The following TTC29 variants were observed in gnomAD, a reference collection of about 807,000 sequenced individuals.
The protein encoded by TTC29 is tetratricopeptide repeat protein 29.
A neutral mutation model predicts 58.1 loss-of-function variants in TTC29; 49 were observed. That is an observed-to-expected ratio of 0.84 (90% confidence interval 0.67 to 1.07). The LOEUF (loss-of-function observed/expected upper bound fraction) is 1.07, where lower values mean the gene tolerates loss of function less well. Among genes scored for constraint, TTC29 ranks in the 50% least tolerant of loss-of-function variants. The pLI, the probability that TTC29 is intolerant of heterozygous loss-of-function variation, is 0.00. For synonymous variants in TTC29, 209 were observed against 196.8 expected, an observed-to-expected ratio of 1.06 and a Z score of -0.52; for missense variants, 582 against 555.6, an observed-to-expected ratio of 1.05 and a Z score of -0.48.
At chr4:146,746,504 T>G (rs528738826) in intron 11 of TTC29, among the ~76,000 whole-genome samples, 1 of 152,368 alleles carries the variant, frequency 6.6e-6, no homozygotes, top group South Asian at 2.1e-4. Flanking sequence ...ATTAAAATAG[T>G]CATAATTTTC....
intron 6 of TTC29, among the ~76,000 whole-genome samples, chr4:146,882,445 G>A (rs925379667): frequency 3.3e-5 from 5 of 152,028 alleles, no homozygotes; most frequent in Non-Finnish European, 5.9e-5. Flanking sequence ...GTTGGTAGTC[G>A]ACTATTTTCC....
chr4:146,886,976 T>A (rs1220837097), intron 6 of TTC29, among the ~76,000 whole-genome samples: 1 of 152,174 alleles, frequency 6.6e-6, no homozygotes, highest in East Asian at 1.9e-4. Flanking sequence ...GACAAATACT[T>A]CATGATTCCA....
chr4:146,842,065 G>T (rs904238066), intron 8 of TTC29, among the ~76,000 whole-genome samples: 6 of 151,946 alleles, frequency 3.9e-5, no homozygotes, highest in African/African-American at 1.4e-4. Context: ...ATAATTATTG[G>T]GGGGGTGCTA....
At chr4:146,828,445 G>A (rs1429909881) in intron 9 of TTC29, among the ~76,000 whole-genome samples, 1 of 151,914 alleles carries the variant, frequency 6.6e-6, no homozygotes, top group East Asian at 1.9e-4. Context: ...GAAACATGAT[G>A]ATTTCTCTGA....
chr4:146,803,497 C>G lies in TTC29; in HGVS notation c.1290G>C (p.Trp430Cys), dbSNP rs753930564. ...GTTCAATGTTACCTCTGCTCTCCTT[C>G]CATGACAGCAGGTAGTTGAGGCTGG... ...DLTSLNYLLS[W>C]KESRGNIEPD... Residue 430 changes from tryptophan (W) to cysteine (C), a missense_variant, in exon 11 of 13, where the codon TGG becomes TGC. By Grantham distance (215) the Trp-to-Cys change is radical. Coordinates refer to ENST00000325106, the MANE Select transcript of TTC29 (RefSeq NM_031956.4). The G allele has an allele frequency of 1.3e-6, 2 of 1,597,190 alleles. No individual in the cohort carries two copies. The highest frequency in any genetic ancestry group is 1.7e-5 in the Admixed American group (1 of 57,778).
chr4:146,859,612 CA>C (rs1391853791), intron 8 of TTC29, among the ~76,000 whole-genome samples: 4 of 151,814 alleles, frequency 2.6e-5, no homozygotes, highest in African/African-American at 9.7e-5. Context: ...ATGGGTTGTG[CA>C]AAGTAGAGAT....
chr4:146,747,420 C>T (rs565639156), intron 11 of TTC29, among the ~76,000 whole-genome samples: 2 of 152,316 alleles, frequency 1.3e-5, no homozygotes, highest in South Asian at 4.1e-4. Context: ...TTCTGCTATG[C>T]CCTGCCTCTT....
intron 11 of TTC29, among the ~76,000 whole-genome samples, chr4:146,749,616 A>G (rs1285563875): frequency 6.6e-6 from 1 of 152,200 alleles, no homozygotes; most frequent in Non-Finnish European, 1.5e-5. Flanking sequence ...GAAAACAAGC[A>G]TACTTAATCA....
chr4:146,873,143 T>C (rs1224635553), intron 7 of TTC29, among the ~76,000 whole-genome samples: 1 of 152,140 alleles, frequency 6.6e-6, no homozygotes, highest in African/African-American at 2.4e-5. Flanking sequence ...TTGGTGTCAG[T>C]ATCGCTTAAA....
chr4:146,898,696 T>G (rs1732939323), intron 6 of TTC29, among the ~76,000 whole-genome samples: 1 of 152,166 alleles, frequency 6.6e-6, no homozygotes, highest in Non-Finnish European at 1.5e-5. Flanking sequence ...GGACATCTAA[T>G]TTTCCTCTGG....
At chr4:146,895,379 T>C (rs550565227) in intron 6 of TTC29, among the ~76,000 whole-genome samples, 1 of 152,310 alleles carries the variant, frequency 6.6e-6, no homozygotes, top group East Asian at 1.9e-4. Context: ...AAGGAAACAC[T>C]AGGAAACTGT....
chr4:146,870,504 T>C (rs1730861468), intron 7 of TTC29, among the ~76,000 whole-genome samples: 1 of 151,254 alleles, frequency 6.6e-6, no homozygotes, highest in Non-Finnish European at 1.5e-5. Flanking sequence ...TGGAAATGAA[T>C]AACATAAAGA....
At chr4:146,908,512 T>A (rs561436960) in intron 5 of TTC29, among the ~76,000 whole-genome samples, 1 of 152,310 alleles carries the variant, frequency 6.6e-6, no homozygotes, top group Non-Finnish European at 1.5e-5. Context: ...GACAATTTTA[T>A]TTGCAATTGT....
chr4:146,869,116 A>AC (rs1561204700), intron 7 of TTC29, among the ~76,000 whole-genome samples: 3 of 150,250 alleles, frequency 2.0e-5, no homozygotes, highest in Non-Finnish European at 3.0e-5. Context: ...AAAAAAAAAA[A>AC]AAACCTCTTT....
chr4:146,870,572 CA>C (rs1331165477), intron 7 of TTC29, among the ~76,000 whole-genome samples: 1 of 151,454 alleles, frequency 6.6e-6, no homozygotes, highest in Non-Finnish European at 1.5e-5. Context: ...AAAAAGTCAA[CA>C]AAATTAACAA....
chr4:146,885,573 T>A (rs911162277), intron 6 of TTC29, among the ~76,000 whole-genome samples: 10 of 152,106 alleles, frequency 6.6e-5, no homozygotes, highest in Non-Finnish European at 1.0e-4. Flanking sequence ...ACTTTAATCA[T>A]CTGTCTAGTG....
intron 8 of TTC29, among the ~76,000 whole-genome samples, chr4:146,836,524 T>C (rs1338819083): frequency 2.0e-5 from 3 of 152,078 alleles, no homozygotes; most frequent in African/African-American, 7.2e-5. Context: ...ACCCAGTGCA[T>C]TGGTGAATTG....
chr4:146,750,958 C>A (rs982204214), intron 11 of TTC29, among the ~76,000 whole-genome samples: 3 of 152,190 alleles, frequency 2.0e-5, no homozygotes, highest in African/African-American at 7.2e-5. Flanking sequence ...CCTAAATATT[C>A]TCTTCCTACA....
At chr4:146,755,833 G>A (rs986557796) in intron 11 of TTC29, among the ~76,000 whole-genome samples, 1 of 152,034 alleles carries the variant, frequency 6.6e-6, no homozygotes, top group Non-Finnish European at 1.5e-5. Flanking sequence ...CCAAAACCAA[G>A]TCTACCCTAT....
Sources: gnomAD v4.1 joint callset for allele counts (sites outside exome capture counted in the v4.1 genomes callset) on GRCh38, gnomAD v4.1.1 for gene constraint, MANE v1.5 for transcripts, NCBI Gene and HGNC (gene_info 2026-07-23, HGNC 2026-07-21) for gene names.